SYT13: variants seen among roughly 807,000 people sequenced by gnomAD.
SYT13 encodes the protein synaptotagmin-13.
A neutral mutation model predicts 38.6 loss-of-function variants in SYT13; 21 were observed. The ratio of observed to expected loss-of-function variants is 0.54; its 90% CI spans 0.39 to 0.78. SYT13 has a LOEUF of 0.78. Ranked by LOEUF, SYT13 falls within the 30% of genes least tolerant of loss-of-function variation. SYT13 has a pLI of 0.00. For synonymous variants in SYT13, 241 were observed against 237.6 expected (o/e 1.01, Z -0.13); for missense variants, 495 against 548.7 (o/e 0.90, Z 0.98).
chr11:45,254,354 C>T lies in SYT13; in HGVS notation c.460G>A (p.Ala154Thr), dbSNP rs1854716572. Residue 154 changes from alanine (A) to threonine (T), a missense_variant, in exon 3 of 6, where the codon GCC becomes ACC. Coordinates refer to ENST00000020926, the MANE Select transcript of SYT13 (RefSeq NM_020826.3). ...VMETWNPEKA[A>T]SWNQAPKLHY... The stretch of plus-strand genomic sequence containing the variant: ...AGTTTGGGGGCCTGGTTCCAACTGG[C>T]AGCCTTCTCTGGGTTCCAGGTCTCC... 3.1e-6 allele frequency: 5 copies of T among 1,613,658 alleles called. No individual in the cohort carries two copies. The highest frequency in any genetic ancestry group is 3.3e-5 in the Admixed American group (2 of 59,946).
rs78621682 is a variant in SYT13, at chr11:45,247,246, C to T, written c.847-734G>A. ...AAGGGACAAGAATGACCGAAAGACCCCTCCTAGGAGGTGGGTGTTTGGTTG... is the reference window on the plus strand; with the variant it reads ...AAGGGACAAGAATGACCGAAAGACCTCTCCTAGGAGGTGGGTGTTTGGTTG... On this transcript the variant is annotated intron_variant, in intron 4 of 5. Transcript: ENST00000020926. 4.3e-3 allele frequency among the ~76,000 whole-genome samples: 659 copies of T among 152,238 alleles called. 4 individuals are homozygous for T. The highest frequency in any genetic ancestry group is 0.015 in the African/African-American group (614 of 41,554).
intron 5 of SYT13, among the ~76,000 whole-genome samples, chr11:45,245,381 G>A (rs1854601647): frequency 6.6e-6 from 1 of 152,220 alleles, no homozygotes; most frequent in African/African-American, 2.4e-5. Flanking sequence ...ACGAAGTGTT[G>A]TACTGTAATT....
At position 45,260,829 on chromosome 11, in the gene SYT13, C is replaced by A. The variant is rs181528141; in HGVS notation, c.184-4938G>T. On this transcript the variant is annotated intron_variant, in intron 1 of 5. Coordinates refer to ENST00000020926, the MANE Select transcript of SYT13 (RefSeq NM_020826.3). ...TGGGACCTTTGGCTGCTTGCTCCCC[C>A]CACTGTGTCCAACCAGCTGTCCATG... Among the ~76,000 whole-genome samples the A allele has an allele frequency of 2.6e-4, 39 of 152,278 alleles. 1 individual carries two copies. The highest frequency in any genetic ancestry group is 1.8e-3 in the Admixed American group (28 of 15,294).
Position 45,243,874 on chromosome 11 carries a change from A to G in SYT13, c.*178T>C, listed in dbSNP as rs187721510. 1 of 664,750 alleles carries G rather than the reference A, an allele frequency of 1.5e-6. No individual in the cohort carries two copies. The highest frequency in any genetic ancestry group is 3.0e-5 in the Admixed American group (1 of 33,890). The allele number at this position is 664,750 out of a possible 1,614,324, so 41.2% of individuals were successfully genotyped here. A position where few individuals can be genotyped will look rare whatever the true frequency, so the allele number is the denominator to read the frequency against. On this transcript the variant is annotated 3_prime_UTR_variant, in exon 6 of 6. Transcript: ENST00000020926. ...TTCCTCAGTGTGACCCGCATATTCCATTTCCTGCTCTGTCTTGCTTATTTC... is the reference window on the plus strand; with the variant it reads ...TTCCTCAGTGTGACCCGCATATTCCGTTTCCTGCTCTGTCTTGCTTATTTC...
At chr11:45,282,273 A>G (rs1855083752) in intron 1 of SYT13, among the ~76,000 whole-genome samples, 1 of 152,180 alleles carries the variant, frequency 6.6e-6, no homozygotes, top group Admixed American at 6.5e-5. Flanking sequence ...GTAAAACTGA[A>G]TTCCTTGCAT....
chr11:45,243,964 G>C lies in SYT13; in HGVS notation c.*88C>G. 7.4e-7 allele frequency: 1 copy of C among 1,351,890 alleles called. No homozygotes were observed. Among genetic ancestry groups the C allele is most frequent in the Non-Finnish European group, 1.0e-6 (1 of 992,856 alleles). The allele number at this position is 1,351,890 out of a possible 1,614,324, so 83.7% of individuals were successfully genotyped here. ...GCAAACACATCTGTCACTGTCTTCTGGGTGTCAGAATGAGGAAAGGGGCAC... is the reference window on the plus strand; with the variant it reads ...GCAAACACATCTGTCACTGTCTTCTCGGTGTCAGAATGAGGAAAGGGGCAC... On this transcript the variant is annotated 3_prime_UTR_variant, in exon 6 of 6. Transcript: ENST00000020926.
At chr11:45,244,439 C>T in intron 5 of SYT13, 83 bp from the exon 6 acceptor site, 1 of 1,487,578 alleles carries the variant, frequency 6.7e-7, no homozygotes, top group Non-Finnish European at 9.1e-7. Context: ...CAGGACAAAG[C>T]TCCCTCCTGG....
chr11:45,285,989 T>C (rs1195572499), intron 1 of SYT13, 36 bp downstream of exon 1: 1 of 1,587,940 alleles, frequency 6.3e-7, no homozygotes, highest in Admixed American at 1.7e-5. Context: ...CAACCCCGCC[T>C]TGCCCGGGAA....
At chr11:45,271,505 GAGAGGA>G (rs1407018481) in intron 1 of SYT13, among the ~76,000 whole-genome samples, 1 of 152,206 alleles carries the variant, frequency 6.6e-6, no homozygotes, top group Non-Finnish European at 1.5e-5. Flanking sequence ...GAGTCAGCTG[GAGAGGA>G]AGGCTGGGGT....
chr11:45,272,791 G>A (rs1361763531), intron 1 of SYT13, among the ~76,000 whole-genome samples: 1 of 152,186 alleles, frequency 6.6e-6, no homozygotes, highest in East Asian at 1.9e-4. Flanking sequence ...CTACCTGCAG[G>A]TGTGTCTGTT....
chr11:45,265,539 C>G (rs1180453989), intron 1 of SYT13, among the ~76,000 whole-genome samples: 1 of 152,200 alleles, frequency 6.6e-6, no homozygotes, highest in Non-Finnish European at 1.5e-5. Context: ...GCTGGAAGTC[C>G]AAGATCAATG....
intron 2 of SYT13, 189 bp from the exon 3 acceptor site, chr11:45,254,593 G>A: frequency 3.3e-6 from 2 of 603,910 alleles, no homozygotes; most frequent in Admixed American, 3.8e-5. Flanking sequence ...CTGCATCTGT[G>A]TCCACTGGCT....
intron 1 of SYT13, among the ~76,000 whole-genome samples, chr11:45,281,069 G>A (rs1173240598): frequency 6.6e-6 from 1 of 151,990 alleles, no homozygotes; most frequent in Admixed American, 6.6e-5. Flanking sequence ...GGTGGTAGGT[G>A]CCTGTAATCC....
chr11:45,262,846 G>T (rs1030303182), intron 1 of SYT13, among the ~76,000 whole-genome samples: 2 of 151,832 alleles, frequency 1.3e-5, no homozygotes, highest in Non-Finnish European at 2.9e-5. Flanking sequence ...AAAAAAAAGA[G>T]AGAAAAAACC....
chr11:45,254,407 G>A lies in SYT13; in HGVS notation c.410-3C>T, dbSNP rs774962502. 6.2e-7 allele frequency: 1 copy of A among 1,610,338 alleles called. No homozygotes were observed. Among genetic ancestry groups the A allele is most frequent in the Non-Finnish European group, 8.5e-7 (1 of 1,178,700 alleles). On this transcript the variant is annotated splice_region_variant and splice_polypyrimidine_tract_variant and intron_variant, in intron 2 of 5. Coordinates refer to ENST00000020926, the MANE Select transcript of SYT13 (RefSeq NM_020826.3). Reference sequence around the variant, plus strand: ...GACACAGACATCCTCCACCACACCTGTTAAGAAAGTCGAAATCGTCACTGC... The same window carrying A: ...GACACAGACATCCTCCACCACACCTATTAAGAAAGTCGAAATCGTCACTGC...
intron 1 of SYT13, among the ~76,000 whole-genome samples, chr11:45,267,945 A>G (rs907503978): frequency 3.6e-4 from 54 of 151,724 alleles, no homozygotes; most frequent in African/African-American, 1.2e-3. Flanking sequence ...TGTGCCCCCA[A>G]TCCTTTCTCA....
Position 45,280,969 on chromosome 11 carries a change from C to T in SYT13, c.183+5056G>A, listed in dbSNP as rs149437003. The stretch of plus-strand genomic sequence containing the variant: ...TAGCATTTTGAGAGACCGAGATGGG[C>T]GGATCACCTGAGGTCAGGAGTTTGA... On this transcript the variant is annotated intron_variant, in intron 1 of 5. Coordinates refer to ENST00000020926, the MANE Select transcript of SYT13 (RefSeq NM_020826.3). 8.7e-3 allele frequency among the ~76,000 whole-genome samples: 1,326 copies of T among 152,226 alleles called. 21 individuals carry two copies. Among genetic ancestry groups the T allele is most frequent in the African/African-American group, 0.03 (1,255 of 41,540 alleles).
intron 2 of SYT13, chr11:45,254,630 A>G: frequency 4.3e-6 from 2 of 469,468 alleles, no homozygotes; most frequent in Non-Finnish European, 7.4e-6. Flanking sequence ...AAAACAAAAC[A>G]GAGACTACAC....
chr11:45,246,281 C>T, intron 5 of SYT13, 102 bp downstream of exon 5: 2 of 1,509,932 alleles, frequency 1.3e-6, no homozygotes, highest in Non-Finnish European at 1.8e-6. Context: ...CATATTCCAC[C>T]TCCCTGCTTA....
Sources: allele counts gnomAD v4.1 joint callset (sites outside exome capture counted in the v4.1 genomes callset), GRCh38; gene constraint gnomAD v4.1.1; transcripts MANE v1.5; gene names NCBI Gene and HGNC (gene_info 2026-07-23, HGNC 2026-07-21).